Variants in SNX30 observed in about 807,000 individuals in gnomAD.
SNX30 encodes sorting nexin-30.
In SNX30, 24 loss-of-function variants were observed where a neutral mutation model predicts 46.4. The ratio of observed to expected loss-of-function variants is 0.52; its 90% confidence interval spans 0.37 to 0.73. The LOEUF is 0.73. SNX30 is among the 30% of genes least tolerant of loss of function. The probability of loss-of-function intolerance (pLI) is 0.00; values close to 1 mark genes in which losing one functional copy is unlikely to be tolerated. For synonymous variants in SNX30, 189 were observed against 211.5 expected, an observed-to-expected ratio of 0.89 and a Z score of 0.92; for missense variants, 533 against 555.7, an observed-to-expected ratio of 0.96 and a Z score of 0.41.
At chr9:112,776,941 G>A (rs1564265345) in intron 1 of SNX30, among the ~76,000 whole-genome samples, 1 of 151,932 alleles carries the variant, frequency 6.6e-6, no homozygotes, top group Admixed American at 6.6e-5. Context: ...TAGCAACTTG[G>A]CACTCCACAG....
At chr9:112,825,659 C>T (rs1369268875) in intron 3 of SNX30, among the ~76,000 whole-genome samples, 1 of 151,888 alleles carries the variant, frequency 6.6e-6, no homozygotes, top group African/African-American at 2.4e-5. Context: ...TGTAAGTCCA[C>T]TCCCCTTTTT....
At chr9:112,806,967 T>A (rs1341784143) in intron 2 of SNX30, among the ~76,000 whole-genome samples, 2 of 151,976 alleles carry the variant, frequency 1.3e-5, no homozygotes, top group African/African-American at 4.8e-5. Context: ...GTCTAATTAT[T>A]TATGCAATAA....
In SNX30 at chr9:112,780,520, G is replaced by A. The variant is rs141568129; in HGVS notation, c.157-24256G>A. ...ATGGCAGCTGGAAGGGGATCTCTAA[G>A]CCTTCTATTTGCACTTCTGGAAGCT... is the stretch of plus-strand genomic sequence containing the variant. On this transcript the variant is annotated intron_variant, in intron 1 of 8. Transcript: ENST00000374232. Among the ~76,000 whole-genome samples the A allele has an allele frequency of 3.7e-3, 563 of 152,262 alleles. 6 individuals carry two copies. Among genetic ancestry groups the A allele is most frequent in the African/African-American group, 0.013 (525 of 41,538 alleles).
downstream of SNX30, among the ~76,000 whole-genome samples, chr9:112,882,823 T>C (rs1422979629): frequency 6.6e-6 from 1 of 151,990 alleles, no homozygotes; most frequent in Non-Finnish European, 1.5e-5. Context: ...GTTTAAATGG[T>C]AATATGAACC....
At chr9:112,763,637 T>C (rs1839480454) in intron 1 of SNX30, among the ~76,000 whole-genome samples, 1 of 151,884 alleles carries the variant, frequency 6.6e-6, no homozygotes, top group East Asian at 1.9e-4. Context: ...GATCACGAGG[T>C]CAGGAGATCG....
chr9:112,763,394 G>A lies in SNX30; in HGVS notation c.156+12237G>A, dbSNP rs1397799758. On this transcript the variant is annotated intron_variant, in intron 1 of 8. Coordinates refer to ENST00000374232, the MANE Select transcript of SNX30 (RefSeq NM_001012994.2). ...TTTTTTTTTTTTTTTTTTTTGGTGT[G>A]TGTGTGTGTAGAGAGAGGCGTCTCA... Among the ~76,000 whole-genome samples, 4 of 105,808 alleles carry A rather than the reference G, an allele frequency of 3.8e-5. No individual in the cohort carries two copies. In the Admixed American group the frequency reaches 3.9e-4, roughly 10 times the overall value. The allele number at this position is 105,808 out of a possible 152,430, so 69.4% of individuals were successfully genotyped here. A position where few individuals can be genotyped will look rare whatever the true frequency, so the allele number is the denominator to read the frequency against.
chr9:112,820,173 C>G (rs1233838425), intron 3 of SNX30, among the ~76,000 whole-genome samples: 1 of 152,166 alleles, frequency 6.6e-6, no homozygotes, highest in Non-Finnish European at 1.5e-5. Context: ...AGTGTGGTTT[C>G]TGATGGTCTG....
rs1841484849 is a variant in SNX30, at chr9:112,874,029, C to T, written c.*5186C>T. 1 of 152,230 alleles carries T rather than the reference C, an allele frequency of 6.6e-6. No individual in the cohort carries two copies. Among genetic ancestry groups the T allele is most frequent in the East Asian group, 1.9e-4 (1 of 5,198 alleles). 9.4% of individuals were successfully genotyped at this position (152,230 alleles called of 1,614,324 possible). On this transcript the variant is annotated 3_prime_UTR_variant, in exon 9 of 9. Coordinates refer to ENST00000374232, the MANE Select transcript of SNX30 (RefSeq NM_001012994.2). The stretch of plus-strand genomic sequence containing the variant: ...TGTAGGCTGGTCCTAGTAGGTGACA[C>T]CCAGCAACACCCCTGTTGGACAGGA...
At chr9:112,799,009 A>T (rs1354813358) in intron 1 of SNX30, among the ~76,000 whole-genome samples, 1 of 16,938 alleles carries the variant, frequency 5.9e-5, no homozygotes, top group Non-Finnish European at 1.4e-4. Context: ...GTTTGAGTTC[A>T]TTGTAGATTC....
intron 2 of SNX30, among the ~76,000 whole-genome samples, chr9:112,811,661 A>G (rs772069663): frequency 2.0e-5 from 3 of 152,310 alleles, no homozygotes; most frequent in South Asian, 2.1e-4. Flanking sequence ...CTTCTTGACT[A>G]TGATTCTTGT....
At chr9:112,791,852 G>A (rs1205410898) in intron 1 of SNX30, among the ~76,000 whole-genome samples, 1 of 152,164 alleles carries the variant, frequency 6.6e-6, no homozygotes, top group African/African-American at 2.4e-5. Context: ...GTAATATAGT[G>A]TAATGAAGTA....
chr9:112,792,909 G>A (rs1840050412), intron 1 of SNX30, among the ~76,000 whole-genome samples: 1 of 149,720 alleles, frequency 6.7e-6, no homozygotes, highest in African/African-American at 2.5e-5. Flanking sequence ...CTTTTAATGG[G>A]AACACAGAGT....
At chr9:112,856,505 G>A (rs1484968210) in intron 7 of SNX30, among the ~76,000 whole-genome samples, 3 of 151,812 alleles carry the variant, frequency 2.0e-5, no homozygotes, top group Non-Finnish European at 2.9e-5. Context: ...AAGTGTGGAG[G>A]TGTGTCGTGT....
chr9:112,776,965 G>C (rs998161316), intron 1 of SNX30, among the ~76,000 whole-genome samples: 1 of 151,928 alleles, frequency 6.6e-6, no homozygotes, highest in African/African-American at 2.4e-5. Flanking sequence ...TTTGCTCACC[G>C]CCCCCTGCCT....
chr9:112,821,133 C>A (rs1213344960), intron 3 of SNX30, among the ~76,000 whole-genome samples: 1 of 152,220 alleles, frequency 6.6e-6, no homozygotes, highest in Non-Finnish European at 1.5e-5. Flanking sequence ...CAGCAACTTA[C>A]ATTTCCACAC....
At chr9:112,817,400 G>C (rs1474178498) in intron 2 of SNX30, among the ~76,000 whole-genome samples, 30 of 34,386 alleles carry the variant, frequency 8.7e-4, no homozygotes, top group African/African-American at 5.4e-3. Flanking sequence ...AAAAAAACTG[G>C]CTTTTTTTTT....
At chr9:112,842,816 A>G (rs1288374785) in intron 6 of SNX30, among the ~76,000 whole-genome samples, 1 of 152,240 alleles carries the variant, frequency 6.6e-6, no homozygotes, top group African/African-American at 2.4e-5. Context: ...CTCGGAACAA[A>G]TGGAACAATG....
intron 4 of SNX30, among the ~76,000 whole-genome samples, chr9:112,832,328 A>T (rs1840671614): frequency 6.6e-6 from 1 of 152,010 alleles, no homozygotes; most frequent in African/African-American, 2.4e-5. Context: ...TCCATTTTCC[A>T]GAAAGCCCTT....
intron 3 of SNX30, among the ~76,000 whole-genome samples, chr9:112,821,841 G>C (rs771541420): frequency 6.6e-6 from 1 of 151,932 alleles, no homozygotes; most frequent in African/African-American, 2.4e-5. Flanking sequence ...ACCCAGGCTG[G>C]AGTGCAGTGG....
Sources: allele counts gnomAD v4.1 joint callset (sites outside exome capture counted in the v4.1 genomes callset), GRCh38; gene constraint gnomAD v4.1.1; transcripts MANE v1.5; gene names NCBI Gene and HGNC (gene_info 2026-07-23, HGNC 2026-07-21).